ZFPM1: variants seen among roughly 807,000 people sequenced by gnomAD.
ZFPM1 encodes zinc finger protein, FOG family member 1, also known as zinc finger protein ZFPM1.
A neutral mutation model predicts 46.3 loss-of-function variants in ZFPM1; 28 were observed. That is an observed-to-expected ratio of 0.60 (90% CI 0.45 to 0.83). The LOEUF (loss-of-function observed/expected upper bound fraction) is 0.83, where lower values mean the gene tolerates loss of function less well. Ranked by LOEUF, ZFPM1 falls within the 40% of genes least tolerant of loss-of-function variation. The probability of loss-of-function intolerance (pLI) is 0.00; values close to 1 mark genes in which losing one functional copy is unlikely to be tolerated. For missense variants in ZFPM1, 1,878 were observed against 1,432.4 expected (o/e 1.31, Z -5.02); for synonymous variants, 957 against 675.9 (o/e 1.42, Z -6.45).
chr16:88,515,697 G>T (rs1022104631), intron 4 of ZFPM1, among the ~76,000 whole-genome samples: 1 of 152,254 alleles, frequency 6.6e-6, no homozygotes, highest in Non-Finnish European at 1.5e-5. Context: ...CCTGGAGCAG[G>T]GAGGTGGAAG....
chr16:88,489,804 G>A (rs539500192), intron 3 of ZFPM1, among the ~76,000 whole-genome samples: 12 of 152,334 alleles, frequency 7.9e-5, no homozygotes, highest in Non-Finnish European at 7.3e-5. Context: ...ATTTATGAAC[G>A]CAGGAAATAC....
chr16:88,501,801 C>T lies in ZFPM1; in HGVS notation c.269-12586C>T, dbSNP rs547483425. Among the ~76,000 whole-genome samples the T allele has an allele frequency of 2.2e-3, 336 of 151,876 alleles. 2 individuals carry two copies. The highest frequency in any genetic ancestry group is 6.8e-3 in the Middle Eastern group (2 of 294). On this transcript the variant is annotated intron_variant, in intron 3 of 9. Transcript: ENST00000319555. Reference sequence around the variant, plus strand: ...AGCGGGCATGGGTGCAGGGCCCTGCCGCTGGTGCTGGTGATGGAGGTAGTG... The same window carrying T: ...AGCGGGCATGGGTGCAGGGCCCTGCTGCTGGTGCTGGTGATGGAGGTAGTG...
chr16:88,469,194 C>G lies in ZFPM1; in HGVS notation c.40+15516C>G, dbSNP rs937084089. Among the ~76,000 whole-genome samples, 2 of 152,240 alleles carry G rather than the reference C, an allele frequency of 1.3e-5. No homozygotes were observed. The highest frequency in any genetic ancestry group is 2.4e-5 in the African/African-American group (1 of 41,474). On this transcript the variant is annotated intron_variant, in intron 1 of 9. Coordinates refer to ENST00000319555, the MANE Select transcript of ZFPM1 (RefSeq NM_153813.3). This position sits in a 1 kb window ranked among gnomAD's most constrained non-coding sequence, Gnocchi z 4.3. ...AGGCTGCCCCCCACCGCTCCACCCT[C>G]TCCCCGCGCTGACTTCCATCCGGAA...
chr16:88,457,205 T>G (rs1907597030), intron 1 of ZFPM1, among the ~76,000 whole-genome samples: 1 of 152,194 alleles, frequency 6.6e-6, no homozygotes, highest in Admixed American at 6.5e-5. Context: ...GTTTCTGTGA[T>G]GTGTTATGAA....
At position 88,497,993 on chromosome 16, in the gene ZFPM1, G is replaced by A. The variant is rs1444267792; in HGVS notation, c.268+8840G>A. 6.6e-6 allele frequency among the ~76,000 whole-genome samples: 1 copy of A among 152,196 alleles called. No homozygotes were observed. Among genetic ancestry groups the A allele is most frequent in the Non-Finnish European group, 1.5e-5 (1 of 68,016 alleles). ...CCTCCCCACCCGGTGTGCGTGGGTG[G>A]GAAATCATTCCAGCTATTCTGCCTT... is the stretch of plus-strand genomic sequence containing the variant. On this transcript the variant is annotated intron_variant, in intron 3 of 9. Coordinates refer to ENST00000319555, the MANE Select transcript of ZFPM1 (RefSeq NM_153813.3). The surrounding 1 kb of genome is among the most constrained non-coding windows in gnomAD (Gnocchi z 5.4).
chr16:88,451,939 G>T (rs556399506), upstream of ZFPM1, among the ~76,000 whole-genome samples: 1 of 152,226 alleles, frequency 6.6e-6, no homozygotes, highest in Non-Finnish European at 1.5e-5. Flanking sequence ...GGCTCTGAGG[G>T]TAAGCCCCCA....
intron 1 of ZFPM1, among the ~76,000 whole-genome samples, chr16:88,483,368 C>T (rs1168545217): frequency 6.6e-6 from 1 of 152,100 alleles, no homozygotes; most frequent in Non-Finnish European, 1.5e-5. Flanking sequence ...CGGCCAGGAC[C>T]CTGCCTGCCC....
intron 1 of ZFPM1, among the ~76,000 whole-genome samples, chr16:88,460,627 C>T (rs1907774492): frequency 6.6e-6 from 1 of 152,230 alleles, no homozygotes; most frequent in Admixed American, 6.5e-5. Context: ...GTGTGGCTCT[C>T]AGCCAGGTGG....
intron 4 of ZFPM1, among the ~76,000 whole-genome samples, chr16:88,520,555 T>TGGGTGGATGGATGGATGGGG (rs746667910): frequency 8.3e-6 from 1 of 120,918 alleles, no homozygotes; most frequent in African/African-American, 3.4e-5. Flanking sequence ...AAAGGATGGA[T>TGGGTGGATGGATGGATGGGG]GGATGGATGG....
At position 88,514,478 on chromosome 16, in the gene ZFPM1, G is replaced by A; in HGVS notation, c.360G>A (p.Gly120=). The change falls in exon 4 of 10, where the codon GGG becomes GGA. Residue 120 remains glycine (G), a synonymous_variant. Transcript: ENST00000319555. Reference sequence around the variant, plus strand: ...GCCTGTCCTGGGGCCCGTTCCATGGGAGTGTCCAGACCAGAGCCTCATCCC... The same window carrying A: ...GCCTGTCCTGGGGCCCGTTCCATGGAAGTGTCCAGACCAGAGCCTCATCCC... ...ATGLSWGPFH[G]SVQTRASSPR... 6.4e-7 allele frequency: 1 copy of A among 1,564,582 alleles called. No homozygotes were observed. The highest frequency in any genetic ancestry group is 8.7e-7 in the Non-Finnish European group (1 of 1,155,042).
chr16:88,533,212 G>T lies in ZFPM1; in HGVS notation c.1254G>T (p.Leu418=). Residue 418 remains leucine, a synonymous_variant, in exon 10 of 10, where the codon CTG becomes CTT. Transcript: ENST00000319555. Reference sequence around the variant, plus strand: ...AAGGCCCCCTGGCCTCCGCGGACCTGGGCCTGGCGCCCACCCCATCGCCAG... The same window carrying T: ...AAGGCCCCCTGGCCTCCGCGGACCTTGGCCTGGCGCCCACCCCATCGCCAG... ...ALQGPLASAD[L]GLAPTPSPGL... is the part of the protein sequence containing the mutation. 1 of 1,560,792 alleles carries T rather than the reference G, an allele frequency of 6.4e-7. No individual in the cohort carries two copies.
chr16:88,502,464 G>T (rs932808062), intron 3 of ZFPM1, among the ~76,000 whole-genome samples: 2 of 152,118 alleles, frequency 1.3e-5, no homozygotes, highest in Admixed American at 6.5e-5. Context: ...GTGCCCTGTG[G>T]GCCGCCCGGG....
intron 4 of ZFPM1, 134 bp from the exon 5 acceptor site, chr16:88,526,680 T>C (rs977212032): frequency 1.0e-6 from 1 of 955,866 alleles, no homozygotes; most frequent in Non-Finnish European, 1.6e-6. Context: ...CTTGGGCCAA[T>C]GACTGTCCAC....
chr16:88,479,684 G>A (rs111500775), intron 1 of ZFPM1, among the ~76,000 whole-genome samples: 3 of 151,960 alleles, frequency 2.0e-5, no homozygotes, highest in African/African-American at 7.2e-5. Context: ...CTCCCTCCTG[G>A]CAATGCTGTG....
chr16:88,473,935 G>A (rs1481395674), intron 1 of ZFPM1, among the ~76,000 whole-genome samples: 1 of 152,164 alleles, frequency 6.6e-6, no homozygotes, highest in African/African-American at 2.4e-5. Context: ...TTAGTAATCG[G>A]TTCTCCGGAG....
At chr16:88,529,773 C>A (rs1286085536) in intron 6 of ZFPM1, among the ~76,000 whole-genome samples, 1 of 152,244 alleles carries the variant, frequency 6.6e-6, no homozygotes, top group Non-Finnish European at 1.5e-5. Flanking sequence ...CGCCATGACC[C>A]TGACCGAGGC....
chr16:88,495,012 A>C (rs1209231773), intron 3 of ZFPM1, among the ~76,000 whole-genome samples: 2 of 152,236 alleles, frequency 1.3e-5, no homozygotes, highest in Admixed American at 6.5e-5. Flanking sequence ...GCCATAATCT[A>C]TAATCCCTGC....
At chr16:88,452,884 C>CAGG (rs1233932730), upstream of ZFPM1, among the ~76,000 whole-genome samples, 7 of 152,212 alleles carry the variant, frequency 4.6e-5, no homozygotes, top group Non-Finnish European at 1.0e-4. Flanking sequence ...CTCAGACTCC[C>CAGG]AGCGCGGCCT....
At position 88,516,672 on chromosome 16, in the gene ZFPM1, G is replaced by C. The variant is rs1567547861; in HGVS notation, c.402+2152G>C. On this transcript the variant is annotated intron_variant, in intron 4 of 9. Transcript: ENST00000319555. ...CTTCATTTATTGTCTAAATATTTTTGCGTCTCAGCGGGCCCCTGTCGCTCT... is the reference window on the plus strand; with the variant it reads ...CTTCATTTATTGTCTAAATATTTTTCCGTCTCAGCGGGCCCCTGTCGCTCT... 7.5e-6 allele frequency: 3 copies of C among 398,528 alleles called. No individual in the cohort carries two copies. The South Asian group carries it at 3.8e-4, about 51-fold the overall frequency. 24.7% of individuals were successfully genotyped at this position (398,528 alleles called of 1,614,324 possible).
Sources: allele counts gnomAD v4.1 joint callset (sites outside exome capture counted in the v4.1 genomes callset), GRCh38; gene constraint gnomAD v4.1.1; non-coding constraint Gnocchi (gnomAD v3.1); transcripts MANE v1.5; gene names NCBI Gene and HGNC (gene_info 2026-07-23, HGNC 2026-07-21).